BRD10: variants seen among roughly 807,000 people sequenced by gnomAD.
BRD10 encodes the protein bromodomain containing 10, also known as uncharacterized bromodomain-containing protein 10.
chr9:5,912,312 CA>C, the BRD10 span, among the ~76,000 whole-genome samples: 1 of 152,112 alleles, frequency 6.6e-6, no homozygotes, highest in Admixed American at 6.5e-5. Context: ...ATATTATCAG[CA>C]AACAAGAATA....
At chr9:5,918,473 T>A in the BRD10 span, among the ~76,000 whole-genome samples, 1 of 152,172 alleles carries the variant, frequency 6.6e-6, no homozygotes, top group African/African-American at 2.4e-5. Flanking sequence ...ACCAGCACTT[T>A]GGGAGGCCAA....
chr9:5,900,244 G>C, the BRD10 span, among the ~76,000 whole-genome samples: 1 of 152,130 alleles, frequency 6.6e-6, no homozygotes, highest in Non-Finnish European at 1.5e-5. Flanking sequence ...ATTTTGCTTG[G>C]TAAGTTTCAA....
the BRD10 span, chr9:5,922,789 G>T: frequency 1.2e-6 from 2 of 1,613,996 alleles, no homozygotes; most frequent in Non-Finnish European, 1.7e-6. Context: ...ACTGGCCACA[G>T]GGCATTTTGT....
the BRD10 span, chr9:6,007,417 C>G: frequency 6.2e-7 from 1 of 1,607,272 alleles, no homozygotes; most frequent in Non-Finnish European, 8.5e-7. Context: ...GCGACCGCCC[C>G]GGCCCCCGCT....
chr9:5,949,624 G>C, the BRD10 span, among the ~76,000 whole-genome samples: 1 of 152,158 alleles, frequency 6.6e-6, no homozygotes, highest in Non-Finnish European at 1.5e-5. Context: ...TATGAAATGG[G>C]AGCAAGGGCA....
chr9:5,887,839 TCA>T, the BRD10 span, among the ~76,000 whole-genome samples: 1 of 152,262 alleles, frequency 6.6e-6, no homozygotes, highest in African/African-American at 2.4e-5. Flanking sequence ...CTCCATCTTT[TCA>T]TGGCTGACTG....
the BRD10 span, chr9:5,908,490 A>T: frequency 2.0e-5 from 14 of 705,282 alleles, no homozygotes; most frequent in Non-Finnish European, 2.9e-5. Flanking sequence ...AAATTTAACA[A>T]TTACTTCACT....
chr9:5,882,287 C>T, the BRD10 span, among the ~76,000 whole-genome samples: 1 of 152,126 alleles, frequency 6.6e-6, no homozygotes, highest in Non-Finnish European at 1.5e-5. Context: ...AGAATTACTC[C>T]TTCCCTGTTG....
the BRD10 span, among the ~76,000 whole-genome samples, chr9:5,979,029 A>G: frequency 6.6e-6 from 1 of 152,240 alleles, no homozygotes; most frequent in South Asian, 2.1e-4. Flanking sequence ...AATGATGAAT[A>G]CATATTTAAT....
At chr9:5,939,455 G>A in the BRD10 span, among the ~76,000 whole-genome samples, 6 of 152,040 alleles carry the variant, frequency 3.9e-5, no homozygotes, top group Admixed American at 3.9e-4. Context: ...CTATACTAAG[G>A]GAAGCTAAGG....
At chr9:5,922,189 C>A in the BRD10 span, 1 of 1,613,990 alleles carries the variant, frequency 6.2e-7, no homozygotes, top group Non-Finnish European at 8.5e-7. Context: ...ACACAGTTTT[C>A]AGCTCTTGCT....
chr9:5,890,525 T>C, the BRD10 span, among the ~76,000 whole-genome samples: 2 of 152,186 alleles, frequency 1.3e-5, no homozygotes, highest in African/African-American at 4.8e-5. Flanking sequence ...AAATTTTCTT[T>C]TTGCAGGTAG....
the BRD10 span, among the ~76,000 whole-genome samples, chr9:5,958,899 T>C: frequency 6.6e-6 from 1 of 152,196 alleles, no homozygotes; most frequent in African/African-American, 2.4e-5. Flanking sequence ...ATTTACTAAA[T>C]GTGCATGTCT....
chr9:5,956,451 T>A, the BRD10 span, among the ~76,000 whole-genome samples: 2 of 152,296 alleles, frequency 1.3e-5, no homozygotes, highest in Middle Eastern at 6.8e-3. Flanking sequence ...AGGTCATGTA[T>A]AACAGCTATC....
the BRD10 span, among the ~76,000 whole-genome samples, chr9:6,001,354 T>C: frequency 6.6e-6 from 1 of 152,174 alleles, no homozygotes; most frequent in Non-Finnish European, 1.5e-5. Flanking sequence ...CTACACTGCC[T>C]AGATTCTAAA....
chr9:6,007,087 G>A, the BRD10 span: 2 of 1,127,668 alleles, frequency 1.8e-6, no homozygotes, highest in African/African-American at 1.6e-5. Flanking sequence ...CACCGACTCA[G>A]CACCTATCAG....
At chr9:5,924,092 G>C in the BRD10 span, among the ~76,000 whole-genome samples, 1 of 152,092 alleles carries the variant, frequency 6.6e-6, no homozygotes. Flanking sequence ...TTAAGAACTT[G>C]TCAAATTCTA....
chr9:5,901,602 T>C, the BRD10 span, among the ~76,000 whole-genome samples: 1 of 152,150 alleles, frequency 6.6e-6, no homozygotes, highest in Non-Finnish European at 1.5e-5. Context: ...TACTGTAACC[T>C]TCACCTCCCA....
the BRD10 span, among the ~76,000 whole-genome samples, chr9:5,940,328 G>A: frequency 1.3e-5 from 2 of 152,160 alleles, no homozygotes; most frequent in African/African-American, 4.8e-5. Context: ...CGAGTAGCTG[G>A]GATTACAGGC....
Sources: gnomAD v4.1 joint callset for allele counts (sites outside exome capture counted in the v4.1 genomes callset) on GRCh38, gnomAD v4.1.1 for gene constraint, MANE v1.5 for transcripts, NCBI Gene and HGNC (gene_info 2026-07-23, HGNC 2026-07-21) for gene names.